The following MED13L variants were observed in gnomAD, a reference collection of about 807,000 sequenced individuals.
MED13L encodes mediator complex subunit 13L.
A neutral mutation model predicts 220.9 loss-of-function variants in MED13L; 7 were observed. The observed-to-expected ratio is 0.03, with a 90% CI of 0.02 to 0.06. The LOEUF is 0.06. Among genes scored for constraint, MED13L ranks in the 10% least tolerant of loss-of-function variants. The pLI is 1.00. For missense variants in MED13L, 1,965 were observed against 2,760.5 expected (o/e 0.71, Z 6.46); for synonymous variants, 1,011 against 1,015.2 (o/e 1.00, Z 0.08).
At chr12:116,118,943 G>A (rs555128305) in intron 2 of MED13L, among the ~76,000 whole-genome samples, 2 of 152,134 alleles carry the variant, frequency 1.3e-5, no homozygotes, top group South Asian at 4.1e-4. Context: ...ATATAATCAA[G>A]GTTGGTTTTC....
intron 1 of MED13L, among the ~76,000 whole-genome samples, chr12:116,262,631 T>A (rs1474803396): frequency 6.6e-6 from 1 of 152,242 alleles, no homozygotes; most frequent in Non-Finnish European, 1.5e-5. Context: ...AAGCTACTCA[T>A]CTTAACATTC....
At position 116,022,469 on chromosome 12, in the gene MED13L, A is replaced by T; in HGVS notation, c.612T>A (p.Pro204=). ...EEHIHMAQSS[P]APFQVLVSPY... is the part of the protein sequence containing the mutation. ...ACCCATACTTACCTTGAAATGGTGC[A>T]GGTGAAGACTGAGCCATGTGTATAT... is the stretch of plus-strand genomic sequence containing the variant. The change falls in exon 5 of 31, where the codon CCT becomes CCA. Residue 204 remains proline (P), a synonymous_variant. Coordinates refer to ENST00000281928, the MANE Select transcript of MED13L (RefSeq NM_015335.5). 6.2e-7 allele frequency: 1 copy of T among 1,613,726 alleles called. No individual in the cohort carries two copies. Among genetic ancestry groups the T allele is most frequent in the Non-Finnish European group, 8.5e-7 (1 of 1,179,810 alleles).
At chr12:116,255,681 C>G (rs750209578) in intron 1 of MED13L, among the ~76,000 whole-genome samples, 3 of 152,204 alleles carry the variant, frequency 2.0e-5, no homozygotes, top group Non-Finnish European at 2.9e-5. Flanking sequence ...AAGAAAACAA[C>G]CTAATTTTTA....
intron 1 of MED13L, among the ~76,000 whole-genome samples, chr12:116,260,592 G>A (rs139433854): frequency 6.6e-6 from 1 of 152,146 alleles, no homozygotes; most frequent in South Asian, 2.1e-4. Context: ...TAAGTGTCAC[G>A]GAAACAAAGA....
chr12:116,058,524 T>C (rs1277833382), intron 4 of MED13L, among the ~76,000 whole-genome samples: 1 of 152,194 alleles, frequency 6.6e-6, no homozygotes, highest in African/African-American at 2.4e-5. Flanking sequence ...ACCTATCATT[T>C]TGTAATCTCT....
intron 2 of MED13L, among the ~76,000 whole-genome samples, chr12:116,199,625 A>G (rs1295066813): frequency 6.6e-6 from 1 of 152,196 alleles, no homozygotes; most frequent in East Asian, 1.9e-4. Context: ...ACTTTCAGAA[A>G]AACAGTTCCC....
intron 14 of MED13L, among the ~76,000 whole-genome samples, 187 bp downstream of exon 14, chr12:116,002,816 G>C (rs1381216175): frequency 6.6e-6 from 1 of 152,144 alleles, no homozygotes; most frequent in African/African-American, 2.4e-5. Flanking sequence ...AATTAAGATG[G>C]TTTCTGTATA....
At chr12:116,161,405 C>T (rs1374231408) in intron 2 of MED13L, among the ~76,000 whole-genome samples, 1 of 152,092 alleles carries the variant, frequency 6.6e-6, no homozygotes. Context: ...AACCACCTTC[C>T]AGTACTAACC....
intron 2 of MED13L, among the ~76,000 whole-genome samples, chr12:116,228,422 T>A (rs1869219981): frequency 1.3e-5 from 2 of 152,058 alleles, no homozygotes; most frequent in Admixed American, 1.3e-4. Context: ...GCTCAAGTAA[T>A]CCTCCCACCT....
intron 28 of MED13L, among the ~76,000 whole-genome samples, chr12:115,967,932 C>A (rs925440858): frequency 1.3e-5 from 2 of 151,798 alleles, no homozygotes; most frequent in South Asian, 2.1e-4. Context: ...GTAATAGGGG[C>A]AGGTATAACA....
chr12:116,035,781 G>A (rs1049075646), intron 4 of MED13L, among the ~76,000 whole-genome samples: 1 of 151,908 alleles, frequency 6.6e-6, no homozygotes, highest in Admixed American at 6.6e-5. Flanking sequence ...GGTAGAGACG[G>A]GGTTTTGCTA....
intron 25 of MED13L, among the ~76,000 whole-genome samples, chr12:115,973,031 CT>C (rs917264862): frequency 1.3e-5 from 2 of 152,104 alleles, no homozygotes; most frequent in Admixed American, 6.6e-5. Context: ...TACCTCCACA[CT>C]TTTTTTCCCC....
At chr12:116,245,494 GAAACAA>G (rs1310664100) in intron 1 of MED13L, among the ~76,000 whole-genome samples, 1 of 152,074 alleles carries the variant, frequency 6.6e-6, no homozygotes, top group African/African-American at 2.4e-5. Flanking sequence ...AGGAATTACA[GAAACAA>G]AAACAAATGA....
At chr12:116,002,613 T>G (rs1300535105) in intron 14 of MED13L, among the ~76,000 whole-genome samples, 1 of 152,200 alleles carries the variant, frequency 6.6e-6, no homozygotes, top group African/African-American at 2.4e-5. Flanking sequence ...CCAATATCCT[T>G]GAGTGAATTA....
intron 2 of MED13L, among the ~76,000 whole-genome samples, chr12:116,184,831 A>C (rs779094391): frequency 1.3e-5 from 2 of 152,222 alleles, no homozygotes; most frequent in African/African-American, 2.4e-5. Flanking sequence ...TTAAAGTTTC[A>C]ATATAGGTTA....
chr12:116,240,481 G>A (rs899015628), intron 1 of MED13L, among the ~76,000 whole-genome samples: 7 of 151,008 alleles, frequency 4.6e-5, no homozygotes, highest in Non-Finnish European at 1.0e-4. Context: ...ATCAAAGAAG[G>A]AAACAAAAAT....
intron 2 of MED13L, among the ~76,000 whole-genome samples, chr12:116,183,062 AT>A (rs1880637108): frequency 6.6e-6 from 1 of 152,234 alleles, no homozygotes; most frequent in Non-Finnish European, 1.5e-5. Context: ...TGAAAAAAAA[AT>A]GACCAAAAAT....
chr12:116,134,563 C>T (rs1876362471), intron 2 of MED13L, among the ~76,000 whole-genome samples: 1 of 152,164 alleles, frequency 6.6e-6, no homozygotes, highest in Middle Eastern at 3.4e-3. Flanking sequence ...GCTGAAAATT[C>T]AGCAGTGAAC....
intron 10 of MED13L, 150 bp from the exon 11 acceptor site, chr12:116,007,786 C>T (rs73198005): frequency 1.1e-4 from 78 of 692,370 alleles, no homozygotes; most frequent in Non-Finnish European, 1.8e-4. Context: ...AATTAGCATA[C>T]TTTGTCAAGA....
Sources: allele counts gnomAD v4.1 joint callset (sites outside exome capture counted in the v4.1 genomes callset), GRCh38; gene constraint gnomAD v4.1.1; transcripts MANE v1.5; gene names NCBI Gene and HGNC (gene_info 2026-07-23, HGNC 2026-07-21).